Variants in YPEL1 observed in about 807,000 individuals in gnomAD.
YPEL1 encodes the protein yippee like 1, also known as protein yippee-like 1.
Under a neutral mutation model 17.3 loss-of-function variants are expected in YPEL1, and 7 were observed. The ratio of observed to expected loss-of-function variants is 0.40; its 90% CI spans 0.23 to 0.76. YPEL1 has a LOEUF of 0.76. Ranked by LOEUF, YPEL1 falls within the 30% of genes least tolerant of loss-of-function variation. The pLI, the probability that YPEL1 is intolerant of heterozygous loss-of-function variation, is 0.35. For synonymous variants in YPEL1, 59 were observed against 59.6 expected, an observed-to-expected ratio of 0.99 and a Z score of 0.05; for missense variants, 91 against 155.5, an observed-to-expected ratio of 0.59 and a Z score of 2.21.
At chr22:21,717,232 C>T (rs184536444) in intron 1 of YPEL1, among the ~76,000 whole-genome samples, 40 of 151,952 alleles carry the variant, frequency 2.6e-4, no homozygotes, top group Admixed American at 5.3e-4. Context: ...AAAAATTAGC[C>T]GGGCGTGGTG....
chr22:21,718,645 T>C (rs2068251637), intron 1 of YPEL1, among the ~76,000 whole-genome samples: 1 of 152,016 alleles, frequency 6.6e-6, no homozygotes, highest in Non-Finnish European at 1.5e-5. Flanking sequence ...ACCAAGCACA[T>C]CTGCAGGAGA....
intron 1 of YPEL1, among the ~76,000 whole-genome samples, chr22:21,725,365 AC>A (rs1394909695): frequency 1.3e-5 from 2 of 151,524 alleles, no homozygotes; most frequent in Admixed American, 1.3e-4. Flanking sequence ...GACTACAGGC[AC>A]CCGCCACCAC....
At chr22:21,701,255 G>T in intron 4 of YPEL1, 37 bp from the exon 5 acceptor site, 2 of 1,552,524 alleles carry the variant, frequency 1.3e-6, no homozygotes, top group Non-Finnish European at 1.8e-6. Context: ...AGGACAGAAG[G>T]TTTCACTTTT....
chr22:21,731,298 CT>C (rs1440588683), intron 1 of YPEL1, among the ~76,000 whole-genome samples: 1 of 150,952 alleles, frequency 6.6e-6, no homozygotes, highest in Non-Finnish European at 1.5e-5. Context: ...CGCCACTGCA[CT>C]CCAGCCTGGA....
At chr22:21,705,946 A>G (rs2068111365) in intron 2 of YPEL1, among the ~76,000 whole-genome samples, 1 of 152,074 alleles carries the variant, frequency 6.6e-6, no homozygotes, top group South Asian at 2.1e-4. Flanking sequence ...CCTGGCCAAC[A>G]TGGAGAAATC....
intron 1 of YPEL1, among the ~76,000 whole-genome samples, chr22:21,712,979 G>C (rs940505802): frequency 2.0e-5 from 3 of 152,076 alleles, no homozygotes; most frequent in Admixed American, 1.3e-4. Flanking sequence ...CTCCGAAGAA[G>C]ATATACAGAT....
chr22:21,703,858 C>T lies in YPEL1; in HGVS notation c.142G>A (p.Ala48Thr), dbSNP rs942402633. The T allele has an allele frequency of 1.9e-6, 3 of 1,607,260 alleles. No homozygotes were observed. Among genetic ancestry groups the T allele is most frequent in the Non-Finnish European group, 2.5e-6 (3 of 1,176,802 alleles). ...SKSFQGSQGR[A>T]YLFNSVVNVG... ...ACTCACACGGAATTGAAGAGGTAGG[C>T]GCGTCCCTGGCTCCCCTGAAAGGAC... Residue 48 changes from alanine to threonine, a missense_variant, in exon 3 of 5, where the codon GCC (alanine) becomes ACC (threonine). Transcript: ENST00000339468. The surrounding 1 kb of genome is among the most constrained non-coding windows in gnomAD (Gnocchi z 6.1).
At chr22:21,705,377 A>G (rs1314686657) in intron 2 of YPEL1, among the ~76,000 whole-genome samples, 1 of 152,234 alleles carries the variant, frequency 6.6e-6, no homozygotes, top group East Asian at 1.9e-4. Context: ...GAAACCGCAT[A>G]TGTCATACAT....
At chr22:21,728,217 C>G (rs1164462511) in intron 1 of YPEL1, among the ~76,000 whole-genome samples, 1 of 152,166 alleles carries the variant, frequency 6.6e-6, no homozygotes, top group East Asian at 1.9e-4. Context: ...TTCTCCACCT[C>G]CGCTCCCACT....
At chr22:21,729,835 G>T (rs971278405) in intron 1 of YPEL1, among the ~76,000 whole-genome samples, 1 of 152,110 alleles carries the variant, frequency 6.6e-6, no homozygotes, top group Non-Finnish European at 1.5e-5. Flanking sequence ...TGTAATAAAA[G>T]ATTAGAAACC....
At chr22:21,730,919 A>T (rs568989926) in intron 1 of YPEL1, among the ~76,000 whole-genome samples, 1 of 152,252 alleles carries the variant, frequency 6.6e-6, no homozygotes, top group Non-Finnish European at 1.5e-5. Context: ...ACCTGTGCTC[A>T]AGTACTACCT....
Position 21,703,198 on chromosome 22 carries a change from G to A in YPEL1, c.270+172C>T, listed in dbSNP as rs1490422671. Among the ~76,000 whole-genome samples the A allele has an allele frequency of 6.6e-6, 1 of 152,196 alleles. No homozygotes were observed. The highest frequency in any genetic ancestry group is 1.5e-5 in the Non-Finnish European group (1 of 68,030). ...TCACTGTCACCCAGGCTGGAGGGCA[G>A]TGGTGAGACCATGCCTCACTGGAGT... On this transcript the variant is annotated intron_variant, in intron 4 of 4. Coordinates refer to ENST00000339468, the MANE Select transcript of YPEL1 (RefSeq NM_013313.5). The surrounding 1 kb of genome is among the most constrained non-coding windows in gnomAD (Gnocchi z 6.1).
At chr22:21,710,996 C>T (rs1569060425) in intron 1 of YPEL1, 88 bp from the exon 2 acceptor site, 3 of 456,202 alleles carry the variant, frequency 6.6e-6, no homozygotes, top group Admixed American at 3.6e-5. Flanking sequence ...TGTGAAGCAA[C>T]ACGCGGGGTG....
intron 1 of YPEL1, among the ~76,000 whole-genome samples, chr22:21,711,583 C>T (rs1371910893): frequency 2.0e-5 from 3 of 152,148 alleles, no homozygotes. Context: ...TATGTATGGT[C>T]ACATGATCTT....
chr22:21,701,065 T>A lies in YPEL1; in HGVS notation c.*64A>T, dbSNP rs1569056798. On this transcript the variant is annotated 3_prime_UTR_variant, in exon 5 of 5. Coordinates refer to ENST00000339468, the MANE Select transcript of YPEL1 (RefSeq NM_013313.5). ...AAGGCTGTCACCAGATGCTCCTACG[T>A]TTCCATTACATTCACAGTTTCTTTC... 1.4e-6 allele frequency: 2 copies of A among 1,466,586 alleles called. No individual in the cohort carries two copies. Among genetic ancestry groups the A allele is most frequent in the Non-Finnish European group, 1.9e-6 (2 of 1,048,470 alleles). 90.8% of individuals were successfully genotyped at this position (1,466,586 alleles called of 1,614,324 possible). A position where few individuals can be genotyped will look rare whatever the true frequency, so the allele number is the denominator to read the frequency against.
intron 2 of YPEL1, among the ~76,000 whole-genome samples, chr22:21,706,429 C>T (rs1313198647): frequency 1.3e-5 from 2 of 148,748 alleles, no homozygotes; most frequent in African/African-American, 2.5e-5. Flanking sequence ...AGTCAGGCTC[C>T]GTCTCACAAA....
chr22:21,703,359 G>A lies in YPEL1; in HGVS notation c.270+11C>T, dbSNP rs1362141185. On this transcript the variant is annotated intron_variant, in intron 4 of 4. Transcript: ENST00000339468. This position sits in a 1 kb window ranked among gnomAD's most constrained non-coding sequence, Gnocchi z 6.1. ...CCCCTTGTGGCACGAGCATCCCCTT[G>A]TGGCACTCACGTATTTCCACCCGAG... 3 of 1,611,994 alleles carry A rather than the reference G, an allele frequency of 1.9e-6. No homozygotes were observed. The highest frequency in any genetic ancestry group is 2.5e-6 in the Non-Finnish European group (3 of 1,179,020).
chr22:21,698,019 C>T lies in YPEL1; in HGVS notation c.*3110G>A, dbSNP rs544925674. On this transcript the variant is annotated 3_prime_UTR_variant, in exon 5 of 5. Transcript: ENST00000339468. ...AAACCACATTCCTACAGCAAATGCA[C>T]TGTGCCATTTATAACCCTGACATCA... 6.6e-6 allele frequency: 1 copy of T among 152,416 alleles called. No homozygotes were observed. Among genetic ancestry groups the T allele is most frequent in the South Asian group, 2.1e-4 (1 of 4,820 alleles). The allele number at this position is 152,416 out of a possible 1,614,324, so 9.4% of individuals were successfully genotyped here. A position where few individuals can be genotyped will look rare whatever the true frequency, so the allele number is the denominator to read the frequency against.
At chr22:21,712,316 C>T (rs1057010591) in intron 1 of YPEL1, among the ~76,000 whole-genome samples, 13 of 143,092 alleles carry the variant, frequency 9.1e-5, no homozygotes, top group South Asian at 7.1e-4. Flanking sequence ...TCTCTCTATA[C>T]ATATTCTCTA....
Sources: allele counts gnomAD v4.1 joint callset (sites outside exome capture counted in the v4.1 genomes callset), GRCh38; gene constraint gnomAD v4.1.1; non-coding constraint Gnocchi (gnomAD v3.1); transcripts MANE v1.5; gene names NCBI Gene and HGNC (gene_info 2026-07-23, HGNC 2026-07-21).